The following BLM variants were observed in gnomAD, a reference collection of about 807,000 sequenced individuals.
BLM encodes the protein recQ-like DNA helicase BLM.
In BLM, 95 loss-of-function variants were observed where a neutral mutation model predicts 135.3. The ratio of observed to expected loss-of-function variants is 0.70; its 90% confidence interval spans 0.59 to 0.83. The LOEUF (loss-of-function observed/expected upper bound fraction) is 0.83, where lower values mean the gene tolerates loss of function less well. Ranked by LOEUF, BLM falls within the 40% of genes least tolerant of loss-of-function variation. BLM has a pLI of 0.00. For missense variants in BLM, 1,518 were observed against 1,663.9 expected (o/e 0.91, Z 1.53); for synonymous variants, 520 against 589.2 (o/e 0.88, Z 1.70).
intron 4 of BLM, among the ~76,000 whole-genome samples, chr15:90,753,102 G>T (rs754544504): frequency 1.3e-5 from 2 of 152,216 alleles, no homozygotes; most frequent in Admixed American, 1.3e-4. Flanking sequence ...CGGTGGCATG[G>T]TAGTGGCCTG....
chr15:90,792,570 T>G (rs964393133), intron 15 of BLM, among the ~76,000 whole-genome samples: 1 of 152,154 alleles, frequency 6.6e-6, no homozygotes, highest in African/African-American at 2.4e-5. Flanking sequence ...TCGGAAAGGT[T>G]TTGTAACTTT....
intron 21 of BLM, among the ~76,000 whole-genome samples, chr15:90,814,688 G>T (rs1897510054): frequency 6.6e-6 from 1 of 152,168 alleles, no homozygotes; most frequent in South Asian, 2.1e-4. Context: ...AGTCATTCCG[G>T]GGTGCCTGTC....
intron 2 of BLM, among the ~76,000 whole-genome samples, chr15:90,748,000 G>T (rs959593649): frequency 2.0e-5 from 3 of 150,870 alleles, no homozygotes; most frequent in Admixed American, 1.3e-4. Context: ...TTTAGAGACG[G>T]TTTCACCTTG....
intron 19 of BLM, among the ~76,000 whole-genome samples, chr15:90,805,782 C>G (rs1897273558): frequency 6.6e-6 from 1 of 151,820 alleles, no homozygotes; most frequent in Non-Finnish European, 1.5e-5. Context: ...CCCCCTGCCT[C>G]AGCCTCCCAA....
chr15:90,732,985 C>T (rs961852334), intron 1 of BLM, among the ~76,000 whole-genome samples: 1 of 152,006 alleles, frequency 6.6e-6, no homozygotes, highest in Non-Finnish European at 1.5e-5. Flanking sequence ...CCCAGCTACT[C>T]GGGATGCTGA....
At chr15:90,760,471 T>TG in intron 6 of BLM, 123 bp from the exon 7 acceptor site, 2 of 1,300,282 alleles carry the variant, frequency 1.5e-6, no homozygotes, top group South Asian at 2.6e-5. Context: ...TTTTTAAGAT[T>TG]GGGAAAAAAG....
chr15:90,772,919 G>A (rs1896361089), intron 12 of BLM, among the ~76,000 whole-genome samples: 2 of 151,594 alleles, frequency 1.3e-5, no homozygotes, highest in South Asian at 4.2e-4. Context: ...CCAACAAGGA[G>A]AAACCCCGTC....
At chr15:90,814,946 G>A (rs1410366531) in intron 21 of BLM, among the ~76,000 whole-genome samples, 156 bp from the exon 22 acceptor site, 1 of 152,106 alleles carries the variant, frequency 6.6e-6, no homozygotes, top group Non-Finnish European at 1.5e-5. Flanking sequence ...AAGTAGTAAA[G>A]GAAACTTACC....
At chr15:90,784,150 T>TA (rs1170570584) in intron 13 of BLM, among the ~76,000 whole-genome samples, 2 of 152,094 alleles carry the variant, frequency 1.3e-5, no homozygotes, top group African/African-American at 2.4e-5. Flanking sequence ...TTTGTTTCCC[T>TA]AATGTTGCTC....
intron 14 of BLM, among the ~76,000 whole-genome samples, chr15:90,785,839 C>A (rs1225148144): frequency 6.6e-6 from 1 of 151,874 alleles, no homozygotes; most frequent in Non-Finnish European, 1.5e-5. Context: ...GGCCTGTTTG[C>A]TTTTATTTAG....
At chr15:90,803,401 G>T in intron 17 of BLM, 120 bp from the exon 18 acceptor site, 1 of 636,790 alleles carries the variant, frequency 1.6e-6, no homozygotes. Context: ...TGTCTGTGCC[G>T]GGGTTTGTGA....
At position 90,789,987 on chromosome 15, in the gene BLM, G is replaced by GTTTTTTTTTTT. The variant is rs61059865; in HGVS notation, c.2824-636_2824-626dup. ...AGGTCTAAGATCCGCAGTCCCTGGT[G>GTTTTTTTTTTT]TTTTTTTTTTTTTTTTTTTTTTTTT... On this transcript the variant is annotated intron_variant, in intron 14 of 21. Coordinates refer to ENST00000355112, the MANE Select transcript of BLM (RefSeq NM_000057.4). Among the ~76,000 whole-genome samples, 9 of 57,378 alleles carry GTTTTTTTTTTT rather than the reference G, an allele frequency of 1.6e-4. 2 individuals carry two copies. The highest frequency in any genetic ancestry group is 4.8e-4 in the African/African-American group (9 of 18,946). The allele number at this position is 57,378 out of a possible 152,430, so 37.6% of individuals were successfully genotyped here.
chr15:90,798,635 C>T (rs1897089702), intron 17 of BLM, among the ~76,000 whole-genome samples: 1 of 148,956 alleles, frequency 6.7e-6, no homozygotes, highest in Non-Finnish European at 1.5e-5. Flanking sequence ...GAGGATTAGA[C>T]CCATAACAGC....
rs945181516 is a variant in BLM at position 90,811,397 on chromosome 15, A to G, written c.4067A>G (p.Lys1356Arg). ...AGAAAAACTGCTTCCAGTGGTTCCA[A>G]GGCAAAGGGGTATGTTTTGTGACAT... ...KRRKTASSGS[K>R]AKGGSATCRK... Residue 1356 changes from lysine (K) to arginine (R), a missense_variant, in exon 21 of 22, where the codon AAG (lysine) becomes AGG (arginine). Transcript: ENST00000355112. 1.2e-6 allele frequency: 2 copies of G among 1,614,032 alleles called. No homozygotes were observed. Among genetic ancestry groups the G allele is most frequent in the African/African-American group, 2.7e-5 (2 of 74,924 alleles).
chr15:90,753,410 T>A (rs888017640), intron 4 of BLM, among the ~76,000 whole-genome samples: 1 of 152,250 alleles, frequency 6.6e-6, no homozygotes, highest in Non-Finnish European at 1.5e-5. Context: ...TTAGCATTAT[T>A]TCTAAATCAT....
At position 90,815,937 on chromosome 15, in the gene BLM, G is replaced by T. The variant is rs1360665885; in HGVS notation, c.*658G>T. ...TACTAAAAATACAAAAATTAGCCAG[G>T]CGTGGTGTACAGGCACGCCTGTAGT... On this transcript the variant is annotated 3_prime_UTR_variant, in exon 22 of 22. Transcript: ENST00000355112. This position sits in a 1 kb window ranked among gnomAD's most constrained non-coding sequence, Gnocchi z 4.6. 1 of 152,532 alleles carries T rather than the reference G, an allele frequency of 6.6e-6. No homozygotes were observed. The highest frequency in any genetic ancestry group is 2.4e-5 in the African/African-American group (1 of 41,380). The allele number at this position is 152,532 out of a possible 1,614,324, so 9.4% of individuals were successfully genotyped here.
intron 9 of BLM, among the ~76,000 whole-genome samples, chr15:90,766,423 T>TTTTTGTTTTG (rs879522725): frequency 6.6e-6 from 1 of 152,120 alleles, no homozygotes; most frequent in African/African-American, 2.4e-5. Flanking sequence ...GTTATGCTTT[T>TTTTTGTTTTG]TTTTGTTTTG....
chr15:90,724,146 G>A (rs1039499553), intron 1 of BLM, among the ~76,000 whole-genome samples: 5 of 152,032 alleles, frequency 3.3e-5, no homozygotes, highest in African/African-American at 1.2e-4. Flanking sequence ...CCGAGAAGGT[G>A]AGACTACAGG....
intron 5 of BLM, among the ~76,000 whole-genome samples, chr15:90,755,978 A>C (rs897059017): frequency 6.6e-6 from 1 of 151,624 alleles, no homozygotes; most frequent in Non-Finnish European, 1.5e-5. Flanking sequence ...TTTGTGGTTT[A>C]TTTTGGACTC....
Sources: gnomAD v4.1 joint callset for allele counts (sites outside exome capture counted in the v4.1 genomes callset) on GRCh38, gnomAD v4.1.1 for gene constraint, Gnocchi (gnomAD v3.1) non-coding constraint, MANE v1.5 for transcripts, NCBI Gene and HGNC (gene_info 2026-07-23, HGNC 2026-07-21) for gene names.